ACAT1: variants seen among roughly 807,000 people sequenced by gnomAD.
ACAT1 encodes acetyl-CoA acetyltransferase 1.
Under a neutral mutation model 47.3 loss-of-function variants are expected in ACAT1, and 28 were observed. That is an observed-to-expected ratio of 0.59 (90% CI 0.44 to 0.81). ACAT1 has a LOEUF of 0.81. Among genes scored for constraint, ACAT1 ranks in the 30% least tolerant of loss-of-function variants. The pLI is 0.00. For synonymous variants in ACAT1, 181 were observed against 173.6 expected (o/e 1.04, Z -0.34); for missense variants, 469 against 524.3 (o/e 0.89, Z 1.03).
intron 3 of ACAT1, 63 bp from the exon 4 acceptor site, chr11:108,134,158 A>T: frequency 7.0e-7 from 1 of 1,422,518 alleles, no homozygotes; most frequent in Non-Finnish European, 9.9e-7. Context: ...CTACCTTATT[A>T]GGTAATCACT....
At chr11:108,122,038 C>G (rs185760909) in intron 1 of ACAT1, 5 of 362,514 alleles carry the variant, frequency 1.4e-5, no homozygotes, top group African/African-American at 8.7e-5. Flanking sequence ...TGCAGCTGCT[C>G]CCGAGATTTT....
chr11:108,137,171 A>T (rs963327178), intron 5 of ACAT1, among the ~76,000 whole-genome samples: 8 of 152,188 alleles, frequency 5.3e-5, no homozygotes, highest in Non-Finnish European at 1.2e-4. Flanking sequence ...TCAAGAAAGG[A>T]TAGAAATAAA....
Position 108,147,443 on chromosome 11 carries a change from A to C in ACAT1, c.*53A>C. ...CCTATGTGACCAGAAGGCCTGCTGTAATCAGTGTGACTACTGTGGGTCAGC... is the reference window on the plus strand; with the variant it reads ...CCTATGTGACCAGAAGGCCTGCTGTCATCAGTGTGACTACTGTGGGTCAGC... On this transcript the variant is annotated 3_prime_UTR_variant, in exon 12 of 12. Coordinates refer to ENST00000265838, the MANE Select transcript of ACAT1 (RefSeq NM_000019.4). The C allele has an allele frequency of 6.3e-7, 1 of 1,589,450 alleles. No individual in the cohort carries two copies.
Position 108,143,944 on chromosome 11 carries a change from A to AG in ACAT1, c.941-39_941-38insG, listed in dbSNP as rs747366614. ...TGCATATTCTATACAGTAAAAAAAA[A>AG]AAGATTTTAACAACCCCCCCCCCCC... On this transcript the variant is annotated intron_variant, in intron 9 of 11. Transcript: ENST00000265838. 8 of 1,184,948 alleles carry AG rather than the reference A, an allele frequency of 6.8e-6. No homozygotes were observed. In the East Asian group the frequency reaches 2.1e-4, roughly 31 times the overall value. 73.4% of individuals were successfully genotyped at this position (1,184,948 alleles called of 1,614,324 possible). A position where few individuals can be genotyped will look rare whatever the true frequency, so the allele number is the denominator to read the frequency against.
rs538272888 is a variant in ACAT1, at chr11:108,136,197, G to C, written c.435+955G>C. On this transcript the variant is annotated intron_variant, in intron 5 of 11. Transcript: ENST00000265838. ...ATTTTTCAGATGAAGATTTTTTTCA[G>C]TGTGTCTGAGACAGCCACAGAGTTA... 9.1e-6 allele frequency: 5 copies of C among 547,356 alleles called. No individual in the cohort carries two copies. In the South Asian group the frequency reaches 1.0e-4, roughly 11 times the overall value. 33.9% of individuals were successfully genotyped at this position (547,356 alleles called of 1,614,324 possible). A position where few individuals can be genotyped will look rare whatever the true frequency, so the allele number is the denominator to read the frequency against.
intron 1 of ACAT1, among the ~76,000 whole-genome samples, chr11:108,124,881 CTCTT>C (rs1298965936): frequency 6.6e-6 from 1 of 152,164 alleles, no homozygotes; most frequent in Non-Finnish European, 1.5e-5. Flanking sequence ...CCAAGGATGA[CTCTT>C]TAACATTCAT....
intron 5 of ACAT1, among the ~76,000 whole-genome samples, chr11:108,137,963 CAGA>C (rs1271279294): frequency 1.3e-5 from 2 of 151,770 alleles, no homozygotes; most frequent in African/African-American, 4.8e-5. Context: ...TTAAGAATTT[CAGA>C]AGATGGTTTT....
intron 1 of ACAT1, among the ~76,000 whole-genome samples, chr11:108,125,526 TG>T (rs1311201733): frequency 6.6e-6 from 1 of 152,068 alleles, no homozygotes; most frequent in Non-Finnish European, 1.5e-5. Flanking sequence ...GTGTAAGAGG[TG>T]CTTTGAAGGA....
chr11:108,127,763 A>C (rs1407187503), intron 1 of ACAT1: 1 of 152,272 alleles, frequency 6.6e-6, no homozygotes, highest in Non-Finnish European at 1.5e-5. Context: ...GGAAGCCAAG[A>C]CAAGGAAGGG....
upstream of ACAT1, among the ~76,000 whole-genome samples, chr11:108,120,909 TACA>T (rs2077137230): frequency 3.5e-5 from 5 of 144,736 alleles, no homozygotes; most frequent in African/African-American, 1.3e-4. Flanking sequence ...AAAAAAAAAA[TACA>T]ACAATTTGCT....
intron 9 of ACAT1, chr11:108,143,774 C>A: frequency 7.9e-5 from 19 of 241,232 alleles, no homozygotes; most frequent in South Asian, 2.6e-4. Flanking sequence ...GAGGCAAATA[C>A]CCCCAAACTC....
At chr11:108,120,759 G>A (rs1159469120), upstream of ACAT1, among the ~76,000 whole-genome samples, 3 of 151,966 alleles carry the variant, frequency 2.0e-5, no homozygotes, top group African/African-American at 7.3e-5. Context: ...GAATTTGATT[G>A]CTTCAAAATA....
At chr11:108,138,654 TC>T in intron 5 of ACAT1, 2 of 468,000 alleles carry the variant, frequency 4.3e-6, no homozygotes, top group South Asian at 4.1e-5. Flanking sequence ...GCCTCAGCCT[TC>T]TAAAGTGCTG....
chr11:108,125,310 C>T (rs1210046798), intron 1 of ACAT1, among the ~76,000 whole-genome samples: 1 of 152,152 alleles, frequency 6.6e-6, no homozygotes, highest in Non-Finnish European at 1.5e-5. Flanking sequence ...TGTGTTCATT[C>T]AGCATGTATT....
In ACAT1 at chr11:108,146,108, A is replaced by AACTT. The variant is rs2077702030; in HGVS notation, c.1006-92_1006-89dup. 15 of 1,119,470 alleles carry AACTT rather than the reference A, an allele frequency of 1.3e-5. No homozygotes were observed. The Admixed American group carries it at 2.3e-4, about 17-fold the overall frequency. The allele number at this position is 1,119,470 out of a possible 1,614,324, so 69.3% of individuals were successfully genotyped here. Reference sequence around the variant, plus strand: ...AAACCAAGAACTTCCATATTTAAATAACTTATGTCAAACTGTAGTATTTCA... The same window carrying AACTT: ...AAACCAAGAACTTCCATATTTAAATAACTTACTTATGTCAAACTGTAGTATTTCA... On this transcript the variant is annotated intron_variant, in intron 10 of 11. Transcript: ENST00000265838.
chr11:108,140,007 A>G, intron 6 of ACAT1, 58 bp from the exon 7 acceptor site: 2 of 1,549,888 alleles, frequency 1.3e-6, no homozygotes, highest in Non-Finnish European at 1.8e-6. Flanking sequence ...AGGCAAAGTT[A>G]ATAGATATTT....
chr11:108,116,805 C>T (rs1038961222), upstream of ACAT1, among the ~76,000 whole-genome samples: 10 of 152,082 alleles, frequency 6.6e-5, no homozygotes, highest in African/African-American at 2.4e-4. Flanking sequence ...ACAACCACCA[C>T]GATCTTGGAG....
intron 10 of ACAT1, among the ~76,000 whole-genome samples, chr11:108,144,880 T>C (rs1565296707): frequency 1.3e-5 from 2 of 152,172 alleles, no homozygotes; most frequent in African/African-American, 2.4e-5. Context: ...CAATTCTGGA[T>C]TCTGAAGGTA....
chr11:108,129,424 A>T (rs1457479608), intron 1 of ACAT1, among the ~76,000 whole-genome samples: 1 of 152,018 alleles, frequency 6.6e-6, no homozygotes, highest in Non-Finnish European at 1.5e-5. Context: ...GCTGGAATGC[A>T]GTGGCGTGAT....
Sources: gnomAD v4.1 joint callset for allele counts (sites outside exome capture counted in the v4.1 genomes callset) on GRCh38, gnomAD v4.1.1 for gene constraint, MANE v1.5 for transcripts, NCBI Gene and HGNC (gene_info 2026-07-23, HGNC 2026-07-21) for gene names.